The following PAK3 variants were observed in gnomAD, a reference collection of about 807,000 sequenced individuals.
PAK3 encodes serine/threonine-protein kinase PAK 3.
Under a neutral mutation model 41.0 loss-of-function variants are expected in PAK3, and 4 were observed. That is an observed-to-expected ratio of 0.10 (90% CI 0.05 to 0.22). The LOEUF (loss-of-function observed/expected upper bound fraction) is 0.22. PAK3 is among the 10% of genes least tolerant of loss of function. The pLI, the probability that PAK3 is intolerant of heterozygous loss-of-function variation, is 1.00. For missense variants in PAK3, 205 were observed against 409.9 expected (o/e 0.50, Z 4.32); for synonymous variants, 146 against 139.6 (o/e 1.05, Z -0.32).
At position 110,948,514 on chromosome X, in the gene PAK3, A is replaced by T. The variant is rs184587681; in HGVS notation, c.-28+3886A>T. ...AGGCCATCTTTAAGGAAATTTAAAG[A>T]TAAAGGAAATAGCATTCATGTGACT... On this transcript the variant is annotated intron_variant, in intron 1 of 14. Coordinates refer to the PAK3 transcript ENST00000425146. 5.0e-4 allele frequency among the ~76,000 whole-genome samples: 56 copies of T among 112,068 alleles called. 1 individual carries two copies. The highest frequency in any genetic ancestry group is 3.9e-3 in the Admixed American group (41 of 10,624).
chrX:111,163,088 C>T (rs2094210802), intron 9 of PAK3, 42 bp downstream of exon 9: 2 of 1,137,146 alleles, frequency 1.8e-6, no homozygotes, highest in Admixed American at 2.2e-5. Context: ...CAAAAGATGC[C>T]CTTTGGAATA....
chrX:111,142,954 C>CT (rs201184167), intron 6 of PAK3, among the ~76,000 whole-genome samples: 9 of 109,840 alleles, frequency 8.2e-5, no homozygotes, highest in Admixed American at 1.9e-4. Flanking sequence ...TTATACTTTT[C>CT]TTTTTTAAAA....
chrX:111,170,361 T>A (rs1160324820), intron 10 of PAK3, among the ~76,000 whole-genome samples: 1 of 109,248 alleles, frequency 9.2e-6, no homozygotes, highest in Non-Finnish European at 1.9e-5. Flanking sequence ...TGAACTTTCA[T>A]TAAAAAAAAA....
chrX:110,978,704 CTCTT>C (rs377626068), intron 1 of PAK3, among the ~76,000 whole-genome samples: 6,396 of 104,018 alleles, frequency 0.061, 501 homozygotes, highest in African/African-American at 0.21. Flanking sequence ...TTCTCTCTGT[CTCTT>C]TCTTTCTTTC....
intron 16 of PAK3, among the ~76,000 whole-genome samples, chrX:111,215,328 G>A (rs894226001): frequency 9.0e-6 from 1 of 111,344 alleles, no homozygotes; most frequent in African/African-American, 3.3e-5. Context: ...GGAGACCGAG[G>A]TGGGTGGATC....
intron 10 of PAK3, among the ~76,000 whole-genome samples, chrX:111,166,882 G>A (rs2094262461): frequency 9.0e-6 from 1 of 111,388 alleles, no homozygotes; most frequent in South Asian, 3.8e-4. Context: ...TAATACAATG[G>A]GTCAAGCTTT....
chrX:111,037,010 T>A (rs1379011952), intron 1 of PAK3, among the ~76,000 whole-genome samples: 2 of 111,770 alleles, frequency 1.8e-5, no homozygotes, highest in African/African-American at 6.5e-5. Flanking sequence ...AGTGGCATGA[T>A]CTCTCCTCAT....
intron 1 of PAK3, among the ~76,000 whole-genome samples, chrX:111,010,248 A>G (rs180911918): frequency 8.9e-6 from 1 of 112,140 alleles, no homozygotes; most frequent in Admixed American, 9.4e-5. Context: ...TGACATCATG[A>G]ATAATGGCTT....
chrX:111,034,084 G>T (rs992344133), intron 1 of PAK3, among the ~76,000 whole-genome samples: 2 of 111,329 alleles, frequency 1.8e-5, no homozygotes, highest in Admixed American at 1.9e-4. Context: ...CTACCATACA[G>T]TTCTTCTTCT....
In PAK3 at chrX:111,225,740, G is replaced by T. The variant is rs967383215; in HGVS notation, c.*5293G>T. 1 of 111,992 alleles carries T rather than the reference G, an allele frequency of 8.9e-6. No homozygotes were observed. The highest frequency in any genetic ancestry group is 1.9e-5 in the Non-Finnish European group (1 of 53,307). The allele number at this position is 111,992 out of a possible 1,213,427, so 9.2% of individuals were successfully genotyped here. A position where few individuals can be genotyped will look rare whatever the true frequency, so the allele number is the denominator to read the frequency against. On this transcript the variant is annotated 3_prime_UTR_variant, in exon 18 of 18. Coordinates refer to ENST00000372007, the MANE Select transcript of PAK3 (RefSeq NM_002578.5). Reference sequence around the variant, plus strand: ...TGTATTGGACTAGATGATCCTTAGGGTCTTTCCAAAAGTCTAACATTCTAT... The same window carrying T: ...TGTATTGGACTAGATGATCCTTAGGTTCTTTCCAAAAGTCTAACATTCTAT...
At chrX:111,207,724 G>A (rs771760504) in intron 16 of PAK3, among the ~76,000 whole-genome samples, 155 of 112,119 alleles carry the variant, frequency 1.4e-3, no homozygotes, top group Middle Eastern at 4.7e-3. Context: ...GGACAACAGT[G>A]GTATTGATGA....
At chrX:110,949,883 A>G (rs1167373055) in intron 1 of PAK3, among the ~76,000 whole-genome samples, 1 of 111,774 alleles carries the variant, frequency 8.9e-6, no homozygotes, top group East Asian at 2.8e-4. Flanking sequence ...TCAGTCCAGA[A>G]AGGATGGCAA....
At chrX:111,126,027 G>A (rs1316359884) in intron 5 of PAK3, among the ~76,000 whole-genome samples, 1 of 111,576 alleles carries the variant, frequency 9.0e-6, no homozygotes, top group Non-Finnish European at 1.9e-5. Context: ...CAAGCAAGTT[G>A]TTATAACTTC....
At chrX:111,050,050 G>A (rs1466525922) in intron 1 of PAK3, among the ~76,000 whole-genome samples, 1 of 111,560 alleles carries the variant, frequency 9.0e-6, no homozygotes, top group African/African-American at 3.3e-5. Context: ...TCAACTGAAG[G>A]GGATAGGAAA....
chrX:111,185,687 A>C (rs1202619119), intron 11 of PAK3, among the ~76,000 whole-genome samples: 2 of 110,865 alleles, frequency 1.8e-5, no homozygotes, highest in African/African-American at 6.6e-5. Context: ...GATGTGTGGC[A>C]TTACTTCTGA....
At chrX:111,088,054 T>G (rs995074618) in intron 1 of PAK3, among the ~76,000 whole-genome samples, 2 of 111,116 alleles carry the variant, frequency 1.8e-5, no homozygotes, top group African/African-American at 6.5e-5. Context: ...CTGAGGAGAT[T>G]TTTTAAAAAT....
At chrX:110,944,797 C>T (rs780181905) in intron 1 of PAK3, among the ~76,000 whole-genome samples, 6 of 112,336 alleles carry the variant, frequency 5.3e-5, no homozygotes, top group Non-Finnish European at 1.1e-4. Context: ...TTCCCTTTGC[C>T]AGTTCGCCTT....
chrX:110,996,698 A>G (rs767819177), intron 1 of PAK3, among the ~76,000 whole-genome samples: 1 of 111,742 alleles, frequency 8.9e-6, no homozygotes, highest in Admixed American at 9.5e-5. Context: ...CAAAGAAGTC[A>G]TATAAGCATA....
chrX:111,093,677 A>T (rs1258728382), upstream of PAK3, among the ~76,000 whole-genome samples: 1 of 112,221 alleles, frequency 8.9e-6, no homozygotes, highest in Non-Finnish European at 1.9e-5. Flanking sequence ...TTTCTATGAC[A>T]TCACTATGCT....
Sources: allele counts gnomAD v4.1 joint callset (sites outside exome capture counted in the v4.1 genomes callset), GRCh38; gene constraint gnomAD v4.1.1; transcripts MANE v1.5; gene names NCBI Gene and HGNC (gene_info 2026-07-23, HGNC 2026-07-21).